TRAK1: variants seen among roughly 807,000 people sequenced by gnomAD.
TRAK1 encodes the protein trafficking kinesin-binding protein 1.
In TRAK1, 33 loss-of-function variants were observed where a neutral mutation model predicts 92.1. That is an observed-to-expected ratio of 0.36 (90% CI 0.27 to 0.48). The LOEUF is 0.48. Among genes scored for constraint, TRAK1 ranks in the 20% least tolerant of loss-of-function variants. The probability of loss-of-function intolerance (pLI) is 0.99; values close to 1 mark genes in which losing one functional copy is unlikely to be tolerated. For synonymous variants in TRAK1, 521 were observed against 517.3 expected (o/e 1.01, Z -0.10); for missense variants, 1,123 against 1,257.9 (o/e 0.89, Z 1.62).
chr3:42,184,798 G>A lies in TRAK1; in HGVS notation c.477G>A (p.Glu159=). The change falls in exon 4 of 16, where the codon GAG becomes GAA. Residue 159 remains glutamate (E), a synonymous_variant. Coordinates refer to ENST00000327628, the MANE Select transcript of TRAK1 (RefSeq NM_001042646.3). The stretch of plus-strand genomic sequence containing the variant: ...AGGAGCAGGTGGAACACATCAGGGA[G>A]GAGGTAAGACATTGGAGGCCGAGGC... ...LLEEQVEHIR[E]EVSQLRHELS... is the part of the protein sequence containing the mutation. The A allele has an allele frequency of 6.2e-7, 1 of 1,613,616 alleles. No homozygotes were observed. The highest frequency in any genetic ancestry group is 8.5e-7 in the Non-Finnish European group (1 of 1,179,884).
intron 14 of TRAK1, among the ~76,000 whole-genome samples, chr3:42,215,521 TG>T (rs1327880989): frequency 6.6e-6 from 1 of 151,230 alleles, no homozygotes; most frequent in Non-Finnish European, 1.5e-5. Context: ...TGTGTGTGTG[TG>T]TGTACTGGTT....
intron 13 of TRAK1, among the ~76,000 whole-genome samples, chr3:42,207,523 T>G (rs772400455): frequency 6.6e-6 from 1 of 152,188 alleles, no homozygotes; most frequent in African/African-American, 2.4e-5. Context: ...TGGAAAGTTA[T>G]CTAACTTCAG....
chr3:42,217,097 CTTTTTTTTTTT>C (rs550975120), intron 14 of TRAK1: 10 of 146,526 alleles, frequency 6.8e-5, no homozygotes, highest in South Asian at 2.3e-4. Context: ...CTCTCTCTCT[CTTTTTTTTTTT>C]TTTTTTTTTA....
At chr3:42,194,550 C>T (rs577454486) in intron 9 of TRAK1, among the ~76,000 whole-genome samples, 8 of 152,266 alleles carry the variant, frequency 5.3e-5, no homozygotes, top group South Asian at 2.1e-4. Context: ...TTTTCTTTTG[C>T]ATGAAGTTGG....
At chr3:42,212,155 G>A in intron 14 of TRAK1, 1 of 985,436 alleles carries the variant, frequency 1.0e-6, no homozygotes, top group Non-Finnish European at 1.2e-6. Context: ...GTAGCTCTAT[G>A]CCTGCAATCA....
chr3:42,140,259 A>G (rs1228387117), intron 2 of TRAK1, among the ~76,000 whole-genome samples: 2 of 152,110 alleles, frequency 1.3e-5, no homozygotes, highest in South Asian at 2.1e-4. Context: ...GGGAGGGGGT[A>G]GTTGACAGCA....
At chr3:42,108,406 A>G (rs1050423831) in intron 1 of TRAK1, among the ~76,000 whole-genome samples, 1 of 151,042 alleles carries the variant, frequency 6.6e-6, no homozygotes, top group African/African-American at 2.4e-5. Context: ...TGGGAAAATC[A>G]TCTGAGCCCA....
chr3:42,041,597 CTT>C (rs61237103), intron 1 of TRAK1, among the ~76,000 whole-genome samples: 8 of 141,390 alleles, frequency 5.7e-5, no homozygotes, highest in East Asian at 4.1e-4. Context: ...TATGAGGGCC[CTT>C]TTTTTTTTTT....
intron 14 of TRAK1, 132 bp downstream of exon 14, chr3:42,210,117 G>GAGGAGT (rs1380005823): frequency 6.2e-7 from 1 of 1,607,232 alleles, no homozygotes; most frequent in Non-Finnish European, 8.5e-7. Context: ...GGAGGAGGAG[G>GAGGAGT]GGTCTGGTGA....
intron 1 of TRAK1, among the ~76,000 whole-genome samples, chr3:42,051,942 A>G (rs564307755): frequency 6.6e-6 from 1 of 152,236 alleles, no homozygotes; most frequent in Non-Finnish European, 1.5e-5. Context: ...TTTGAGCCCT[A>G]TCTTCTCTAC....
At chr3:42,178,121 CG>C (rs557586964) in intron 3 of TRAK1, among the ~76,000 whole-genome samples, 1,573 of 152,228 alleles carry the variant, frequency 0.01, 30 homozygotes, top group Non-Finnish European at 0.014. Context: ...TTCCGGCACC[CG>C]CTCATCACCC....
In TRAK1 at chr3:42,223,137, C is replaced by T. The variant is rs199845964; in HGVS notation, c.2262C>T (p.Tyr754=). 1.9e-5 allele frequency: 30 copies of T among 1,613,962 alleles called. No homozygotes were observed. The highest frequency in any genetic ancestry group is 1.5e-4 in the African/African-American group (11 of 75,028). ...LKERGISAAV[Y]DPQSWDRAGR... ...AGCGGGGCATTTCTGCTGCCGTGTA[C>T]GACCCCCAGAGCTGGGACAGGGCCG... Residue 754 remains tyrosine (Y), a synonymous_variant, in exon 16 of 16, where the codon TAC becomes TAT. Transcript: ENST00000327628. The surrounding 1 kb of genome is among the most constrained non-coding windows in gnomAD (Gnocchi z 6.1).
intron 2 of TRAK1, among the ~76,000 whole-genome samples, chr3:42,171,692 T>A (rs1702578897): frequency 6.6e-6 from 1 of 152,136 alleles, no homozygotes; most frequent in Non-Finnish European, 1.5e-5. Flanking sequence ...ACCTTTGTTT[T>A]CTTCCCATGG....
chr3:42,172,749 G>T lies in TRAK1; in HGVS notation c.287-4065G>T, dbSNP rs1702724767. Reference sequence around the variant, plus strand: ...CTTGGTGCGTGGTAATGGTTGTTTGGTGTTAGTCAGAGGTGAGGCGTGTGT... The same window carrying T: ...CTTGGTGCGTGGTAATGGTTGTTTGTTGTTAGTCAGAGGTGAGGCGTGTGT... On this transcript the variant is annotated intron_variant, in intron 2 of 15. Coordinates refer to ENST00000327628, the MANE Select transcript of TRAK1 (RefSeq NM_001042646.3). 2.0e-5 allele frequency among the ~76,000 whole-genome samples: 3 copies of T among 152,180 alleles called. No homozygotes were observed. The South Asian group carries it at 6.2e-4, about 32-fold the overall frequency.
intron 1 of TRAK1, among the ~76,000 whole-genome samples, chr3:42,096,586 C>T (rs1275600786): frequency 1.3e-5 from 2 of 152,224 alleles, no homozygotes; most frequent in Non-Finnish European, 2.9e-5. Flanking sequence ...CAGTATAATG[C>T]CTTACCGTAC....
chr3:42,019,232 G>A (rs1475372193), intron 1 of TRAK1, among the ~76,000 whole-genome samples: 1 of 152,078 alleles, frequency 6.6e-6, no homozygotes, highest in Non-Finnish European at 1.5e-5. Context: ...ACAGAACCAC[G>A]GGATTTTAGA....
chr3:42,079,447 C>CT (rs1399825830), intron 1 of TRAK1, among the ~76,000 whole-genome samples: 1 of 148,124 alleles, frequency 6.8e-6, no homozygotes, highest in African/African-American at 2.5e-5. Flanking sequence ...CTTACAATCT[C>CT]TGAGTTTGTC....
intron 1 of TRAK1, among the ~76,000 whole-genome samples, chr3:42,110,024 A>T (rs545912980): frequency 1.4e-4 from 20 of 142,298 alleles, no homozygotes; most frequent in African/African-American, 5.1e-4. Flanking sequence ...TGGGTGCAGC[A>T]CACCAACATG....
At chr3:42,169,463 A>T (rs950145321) in intron 2 of TRAK1, among the ~76,000 whole-genome samples, 5 of 152,102 alleles carry the variant, frequency 3.3e-5, no homozygotes, top group African/African-American at 1.2e-4. Context: ...TTGAGTAGAT[A>T]CTTAGGAGAC....
Sources: allele counts gnomAD v4.1 joint callset (sites outside exome capture counted in the v4.1 genomes callset), GRCh38; gene constraint gnomAD v4.1.1; non-coding constraint Gnocchi (gnomAD v3.1); transcripts MANE v1.5; gene names NCBI Gene and HGNC (gene_info 2026-07-23, HGNC 2026-07-21).